Variants in ITGA8 observed in about 807,000 individuals in gnomAD.
ITGA8 encodes integrin subunit alpha 8, also known as integrin alpha-8.
Under a neutral mutation model 142.3 loss-of-function variants are expected in ITGA8, and 91 were observed. The ratio of observed to expected loss-of-function variants is 0.64; its 90% CI spans 0.54 to 0.76. ITGA8 has a LOEUF of 0.76. ITGA8 is among the 30% of genes least tolerant of loss of function. The pLI is 0.00. For synonymous variants in ITGA8, 505 were observed against 485.2 expected (o/e 1.04, Z -0.54); for missense variants, 1,406 against 1,327.7 (o/e 1.06, Z -0.92).
chr10:15,548,280 T>C (rs1307161756), intron 27 of ITGA8, among the ~76,000 whole-genome samples, 175 bp downstream of exon 27: 3 of 152,100 alleles, frequency 2.0e-5, no homozygotes, highest in Non-Finnish European at 4.4e-5. Context: ...TTAGTAGAGA[T>C]GGGTTTTTTA....
intron 27 of ITGA8, among the ~76,000 whole-genome samples, chr10:15,532,493 G>T (rs903561933): frequency 4.2e-5 from 6 of 143,332 alleles, no homozygotes; most frequent in Non-Finnish European, 9.0e-5. Context: ...AATCACCCCA[G>T]TTAAGAACCA....
intron 6 of ITGA8, among the ~76,000 whole-genome samples, chr10:15,673,082 T>A (rs569751084): frequency 2.4e-4 from 36 of 152,142 alleles, no homozygotes; most frequent in African/African-American, 8.7e-4. Context: ...TGTTTGTTTG[T>A]TTGTTTGTTT....
chr10:15,707,359 T>C (rs1835279009), intron 2 of ITGA8, among the ~76,000 whole-genome samples: 1 of 152,104 alleles, frequency 6.6e-6, no homozygotes, highest in South Asian at 2.1e-4. Context: ...TGTTGCTGCT[T>C]TTGACAAAGG....
rs750870181 is a variant in ITGA8, at chr10:15,531,015, A to C, written c.2982+35T>G. 3.8e-6 allele frequency: 4 copies of C among 1,061,676 alleles called. No individual in the cohort carries two copies. In the South Asian group the frequency reaches 4.5e-5, roughly 12 times the overall value. 65.8% of individuals were successfully genotyped at this position (1,061,676 alleles called of 1,614,324 possible). The stretch of plus-strand genomic sequence containing the variant: ...TGATTAAAACAATTATTTCAATTAA[A>C]TTATTTGTGCCTATATATATTTAAA... On this transcript the variant is annotated intron_variant, in intron 28 of 29. Coordinates refer to ENST00000378076, the MANE Select transcript of ITGA8 (RefSeq NM_003638.3).
intron 25 of ITGA8, among the ~76,000 whole-genome samples, chr10:15,564,473 C>G (rs560954726): frequency 6.6e-6 from 1 of 152,314 alleles, no homozygotes; most frequent in South Asian, 2.1e-4. Flanking sequence ...GTGGTCACCA[C>G]TAAAGTGTCT....
chr10:15,667,429 C>T (rs568337030), intron 8 of ITGA8, among the ~76,000 whole-genome samples: 1 of 151,976 alleles, frequency 6.6e-6, no homozygotes, highest in Admixed American at 6.5e-5. Flanking sequence ...ATTAGTCTTG[C>T]TAGTGGTCTA....
chr10:15,718,829 A>G lies in ITGA8; in HGVS notation c.280T>C (p.Tyr94His), dbSNP rs1488265722. The G allele has an allele frequency of 6.2e-7, 1 of 1,614,012 alleles. No individual in the cohort carries two copies. The highest frequency in any genetic ancestry group is 8.5e-7 in the Non-Finnish European group (1 of 1,180,038). ...CCCTCCGCGGGCCAAGGACAGTAAT[A>G]GACGGCTCCCCCTTCCACGATATCG... ...QPDIVEGGAV[Y>H]YCPWPAEGSA... The change falls in exon 2 of 30, where the codon TAT (tyrosine) becomes CAT (histidine). Residue 94 changes from tyrosine to histidine, a missense_variant. Coordinates refer to ENST00000378076, the MANE Select transcript of ITGA8 (RefSeq NM_003638.3).
intron 20 of ITGA8, among the ~76,000 whole-genome samples, chr10:15,597,874 C>T (rs1019013461): frequency 6.6e-6 from 1 of 152,174 alleles, no homozygotes; most frequent in Non-Finnish European, 1.5e-5. Flanking sequence ...TCCCTTATAT[C>T]CTATTCCAAG....
At chr10:15,684,901 T>C (rs577683954) in intron 3 of ITGA8, among the ~76,000 whole-genome samples, 1 of 152,346 alleles carries the variant, frequency 6.6e-6, no homozygotes, top group East Asian at 1.9e-4. Context: ...AACAAGCTAG[T>C]AAACCTCTGT....
intron 2 of ITGA8, 61 bp from the exon 3 acceptor site, chr10:15,688,099 T>C (rs895693153): frequency 2.7e-6 from 3 of 1,096,244 alleles, no homozygotes; most frequent in Admixed American, 3.4e-5. Flanking sequence ...TTAAAACACA[T>C]AATAAATTTG....
intron 24 of ITGA8, among the ~76,000 whole-genome samples, 166 bp downstream of exon 24, chr10:15,575,323 G>A (rs577771869): frequency 5.2e-4 from 79 of 152,274 alleles, no homozygotes; most frequent in African/African-American, 1.9e-3. Flanking sequence ...CCAGAAAGTC[G>A]AGGCTGCAGT....
At chr10:15,628,479 C>G (rs1833627915) in intron 13 of ITGA8, among the ~76,000 whole-genome samples, 1 of 151,274 alleles carries the variant, frequency 6.6e-6, no homozygotes, top group African/African-American at 2.4e-5. Flanking sequence ...ACTACAGGCG[C>G]CCACCACCAC....
At chr10:15,655,858 A>G (rs1390036095) in intron 10 of ITGA8, among the ~76,000 whole-genome samples, 3 of 152,084 alleles carry the variant, frequency 2.0e-5, no homozygotes, top group Admixed American at 6.5e-5. Flanking sequence ...GGCCCAGGCA[A>G]GAGGGTCACT....
chr10:15,596,016 A>T (rs1158032036), intron 21 of ITGA8, among the ~76,000 whole-genome samples: 1 of 152,234 alleles, frequency 6.6e-6, no homozygotes, highest in Non-Finnish European at 1.5e-5. Flanking sequence ...GTGCCATTGC[A>T]CTTCAGCCTG....
At chr10:15,703,372 G>T (rs1835200558) in intron 2 of ITGA8, among the ~76,000 whole-genome samples, 1 of 152,210 alleles carries the variant, frequency 6.6e-6, no homozygotes, top group Admixed American at 6.5e-5. Context: ...TAGTAAATAT[G>T]AATGGCTTTT....
intron 25 of ITGA8, among the ~76,000 whole-genome samples, chr10:15,571,963 C>T (rs1207473430): frequency 6.6e-6 from 1 of 152,000 alleles, no homozygotes; most frequent in Non-Finnish European, 1.5e-5. Context: ...ATAAAAGGTG[C>T]CTATTAAAAT....
intron 10 of ITGA8, among the ~76,000 whole-genome samples, chr10:15,657,509 C>CTTTTTTTTTTTTTTTTTTTTTTT (rs534714654): frequency 8.6e-6 from 1 of 116,500 alleles, no homozygotes. Flanking sequence ...TCTTTTCTTT[C>CTTTTTTTTTTTTTTTTTTTTTTT]ATTTTTTTTT....
intron 2 of ITGA8, among the ~76,000 whole-genome samples, chr10:15,688,877 C>A (rs777816036): frequency 1.3e-5 from 2 of 152,166 alleles, no homozygotes; most frequent in Non-Finnish European, 2.9e-5. Context: ...ACATCACAAG[C>A]CCACAGCTAA....
At chr10:15,610,553 T>C (rs1226516845) in intron 15 of ITGA8, among the ~76,000 whole-genome samples, 1 of 152,214 alleles carries the variant, frequency 6.6e-6, no homozygotes, top group Non-Finnish European at 1.5e-5. Flanking sequence ...AAATTCTAAA[T>C]TAAACTGTTT....
Sources: allele counts gnomAD v4.1 joint callset (sites outside exome capture counted in the v4.1 genomes callset), GRCh38; gene constraint gnomAD v4.1.1; transcripts MANE v1.5; gene names NCBI Gene and HGNC (gene_info 2026-07-23, HGNC 2026-07-21).